SNX25: variants seen among roughly 807,000 people sequenced by gnomAD.
SNX25 encodes sorting nexin 25.
A neutral mutation model predicts 113.7 loss-of-function variants in SNX25; 62 were observed. The observed-to-expected ratio is 0.55, with a 90% CI of 0.44 to 0.67. The LOEUF (loss-of-function observed/expected upper bound fraction) is 0.67, where lower values mean the gene tolerates loss of function less well. Ranked by LOEUF, SNX25 falls within the 30% of genes least tolerant of loss-of-function variation. SNX25 has a pLI of 0.00. For missense variants in SNX25, 1,014 were observed against 1,161.0 expected (o/e 0.87, Z 1.84); for synonymous variants, 421 against 436.2 (o/e 0.97, Z 0.43).
chr4:185,376,227 T>C, the SNX25 span, among the ~76,000 whole-genome samples: 4 of 152,156 alleles, frequency 2.6e-5, no homozygotes, highest in African/African-American at 9.7e-5. Flanking sequence ...CCCTAAGTAC[T>C]AGATAAAAAT....
At chr4:185,310,164 C>T (rs935594743) in intron 6 of SNX25, among the ~76,000 whole-genome samples, 1 of 152,118 alleles carries the variant, frequency 6.6e-6, no homozygotes, top group African/African-American at 2.4e-5. Flanking sequence ...CTTTATAGCC[C>T]GTGTTATAGG....
intron 5 of SNX25, among the ~76,000 whole-genome samples, chr4:185,271,496 G>A (rs756556272): frequency 4.6e-5 from 7 of 152,110 alleles, no homozygotes; most frequent in Non-Finnish European, 8.8e-5. Flanking sequence ...TGATCCACTC[G>A]CCTCGGTCTC....
chr4:185,376,443 CTTTTT>C, the SNX25 span, among the ~76,000 whole-genome samples: 74 of 105,798 alleles, frequency 7.0e-4, no homozygotes, highest in African/African-American at 2.5e-3. Context: ...TGCCCAGCTA[CTTTTT>C]TTTTTTTTTT....
rs1421423434 is a variant in SNX25, at chr4:185,210,868, G to A, written c.429+613G>A. ...ATCACTGGTTTGCAACAAAAGGAAA[G>A]CCATCCTCAGCGCGCTGTGGGACAC... On this transcript the variant is annotated intron_variant, in intron 1 of 18. Coordinates refer to ENST00000652585, the MANE Select transcript of SNX25 (RefSeq NM_001378034.2). This position sits in a 1 kb window ranked among gnomAD's most constrained non-coding sequence, Gnocchi z 4.4. Among the ~76,000 whole-genome samples, 1 of 152,130 alleles carries A rather than the reference G, an allele frequency of 6.6e-6. No individual in the cohort carries two copies. The highest frequency in any genetic ancestry group is 1.5e-5 in the Non-Finnish European group (1 of 68,042).
At chr4:185,214,172 G>A (rs1225181999) in intron 1 of SNX25, among the ~76,000 whole-genome samples, 1 of 151,946 alleles carries the variant, frequency 6.6e-6, no homozygotes, top group Non-Finnish European at 1.5e-5. Flanking sequence ...AACATGCCCA[G>A]CCCTTAGAGA....
intron 6 of SNX25, among the ~76,000 whole-genome samples, chr4:185,291,967 C>T (rs1276497494): frequency 6.6e-6 from 1 of 152,116 alleles, no homozygotes; most frequent in Non-Finnish European, 1.5e-5. Flanking sequence ...ATTTAGTTCC[C>T]TTTTTTGTGT....
At chr4:185,205,496 TAATAA>T (rs1737148485), upstream of SNX25, among the ~76,000 whole-genome samples, 1 of 151,968 alleles carries the variant, frequency 6.6e-6, no homozygotes, top group Admixed American at 6.6e-5. Flanking sequence ...TTAAAGTGCT[TAATAA>T]AACTGTGTTG....
At chr4:185,349,515 T>C (rs1660968091) in intron 13 of SNX25, among the ~76,000 whole-genome samples, 2 of 152,332 alleles carry the variant, frequency 1.3e-5, no homozygotes, top group Admixed American at 6.5e-5. Flanking sequence ...ACTGTACTAA[T>C]TTACAATCCC....
intron 1 of SNX25, among the ~76,000 whole-genome samples, chr4:185,224,319 C>A (rs970180363): frequency 1.2e-4 from 18 of 149,012 alleles, no homozygotes; most frequent in Non-Finnish European, 3.0e-5. Context: ...CCATTGCACT[C>A]CAGCCTGGGC....
chr4:185,214,753 A>T (rs972169329), intron 1 of SNX25, among the ~76,000 whole-genome samples: 1 of 152,166 alleles, frequency 6.6e-6, no homozygotes, highest in African/African-American at 2.4e-5. Context: ...CATATTTCTG[A>T]CCTTGTGAGA....
At chr4:185,293,702 C>A (rs1752479317) in intron 6 of SNX25, among the ~76,000 whole-genome samples, 1 of 151,832 alleles carries the variant, frequency 6.6e-6, no homozygotes, top group African/African-American at 2.4e-5. Context: ...AAATTTTTGA[C>A]AAAAGGTGAT....
upstream of SNX25, among the ~76,000 whole-genome samples, chr4:185,208,724 A>G (rs948185769): frequency 5.4e-5 from 8 of 148,258 alleles, no homozygotes; most frequent in Admixed American, 4.7e-4. Flanking sequence ...ACTCCGTCTC[A>G]AAAAAAAAGA....
intron 6 of SNX25, among the ~76,000 whole-genome samples, chr4:185,291,330 G>A (rs1335498063): frequency 6.6e-6 from 1 of 152,082 alleles, no homozygotes; most frequent in Non-Finnish European, 1.5e-5. Flanking sequence ...TTCCCAAACT[G>A]AAACTTCGTA....
In SNX25 at chr4:185,304,033, T is replaced by C. The variant is rs575533471; in HGVS notation, c.1163-6602T>C. Among the ~76,000 whole-genome samples the C allele has an allele frequency of 1.7e-3, 257 of 152,374 alleles. 4 individuals are homozygous for C. The highest frequency in any genetic ancestry group is 5.9e-3 in the African/African-American group (245 of 41,586). ...GTAACTACTGAGAATTGCTGCCAGCTTTGTGTTAAGAGGTCAAGTACCATT... is the reference window on the plus strand; with the variant it reads ...GTAACTACTGAGAATTGCTGCCAGCCTTGTGTTAAGAGGTCAAGTACCATT... On this transcript the variant is annotated intron_variant, in intron 6 of 18. Transcript: ENST00000652585.
In SNX25 at chr4:185,353,300, G is replaced by T; in HGVS notation, c.2467-185G>T. ...TAGCTTATTTTAAGCCTTGAATAAG[G>T]CTCGAGAATCAAGCTTTTCTGAATC... is the stretch of plus-strand genomic sequence containing the variant. On this transcript the variant is annotated intron_variant, in intron 14 of 18. Transcript: ENST00000652585. 6.0e-6 allele frequency: 3 copies of T among 499,144 alleles called. No homozygotes were observed. In the East Asian group the frequency reaches 8.8e-5, roughly 15 times the overall value. 30.9% of individuals were successfully genotyped at this position (499,144 alleles called of 1,614,324 possible). A position where few individuals can be genotyped will look rare whatever the true frequency, so the allele number is the denominator to read the frequency against.
chr4:185,375,487 A>AAAAAAAAATATATATATAT, the SNX25 span: 1 of 12,016 alleles, frequency 8.3e-5, no homozygotes, highest in Non-Finnish European at 1.5e-4. Context: ...AAAAAAAAAA[A>AAAAAAAAATATATATATAT]ATATATATAT....
intron 1 of SNX25, among the ~76,000 whole-genome samples, chr4:185,219,729 CA>C (rs1293253056): frequency 6.6e-6 from 1 of 152,086 alleles, no homozygotes; most frequent in Non-Finnish European, 1.5e-5. Flanking sequence ...CTCTAGTCCC[CA>C]ACCTTGAGCT....
chr4:185,267,193 G>T, intron 5 of SNX25, 38 bp downstream of exon 5: 1 of 1,561,774 alleles, frequency 6.4e-7, no homozygotes, highest in South Asian at 1.2e-5. Flanking sequence ...AACAGCTACT[G>T]ATTATCATCC....
intron 7 of SNX25, among the ~76,000 whole-genome samples, chr4:185,314,672 A>G (rs796754368): frequency 3.4e-4 from 51 of 151,384 alleles, no homozygotes; most frequent in African/African-American, 1.2e-3. Flanking sequence ...ATCCTGGCCA[A>G]CTTGGTGACA....
Sources: gnomAD v4.1 joint callset for allele counts (sites outside exome capture counted in the v4.1 genomes callset) on GRCh38, gnomAD v4.1.1 for gene constraint, Gnocchi (gnomAD v3.1) non-coding constraint, MANE v1.5 for transcripts, NCBI Gene and HGNC (gene_info 2026-07-23, HGNC 2026-07-21) for gene names.